CARMIL1: variants seen among roughly 807,000 people sequenced by gnomAD.
The protein encoded by CARMIL1 is F-actin-uncapping protein LRRC16A.
In CARMIL1, 90 loss-of-function variants were observed where a neutral mutation model predicts 177.1. That is an observed-to-expected ratio of 0.51 (90% CI 0.43 to 0.61). The LOEUF (loss-of-function observed/expected upper bound fraction) is 0.61. CARMIL1 is among the 20% of genes least tolerant of loss of function. The pLI, the probability that CARMIL1 is intolerant of heterozygous loss-of-function variation, is 0.00. For synonymous variants in CARMIL1, 577 were observed against 606.2 expected, an observed-to-expected ratio of 0.95 and a Z score of 0.71; for missense variants, 1,380 against 1,667.0, an observed-to-expected ratio of 0.83 and a Z score of 3.00.
chr6:25,286,613 T>G (rs2690044), intron 2 of CARMIL1, among the ~76,000 whole-genome samples: 7,593 of 152,282 alleles, frequency 0.05, 591 homozygotes, highest in African/African-American at 0.17. Context: ...GTCATTTGCT[T>G]TTTTACAAAT....
intron 33 of CARMIL1, among the ~76,000 whole-genome samples, chr6:25,602,586 C>A (rs1418881856): frequency 6.6e-6 from 1 of 152,150 alleles, no homozygotes; most frequent in African/African-American, 2.4e-5. Flanking sequence ...TCTAGTGTCA[C>A]TTTAAAACAA....
intron 2 of CARMIL1, among the ~76,000 whole-genome samples, chr6:25,394,337 G>T (rs1793165292): frequency 6.6e-6 from 1 of 152,160 alleles, no homozygotes. Context: ...GTGCTAAAGT[G>T]CTAAAATTAA....
intron 1 of CARMIL1, among the ~76,000 whole-genome samples, chr6:25,283,980 A>G (rs1781336882): frequency 6.6e-6 from 1 of 152,064 alleles, no homozygotes; most frequent in Admixed American, 6.6e-5. Flanking sequence ...AGCCTCCCAA[A>G]GTGCTGGGAT....
At chr6:25,487,709 G>A (rs893984273) in intron 12 of CARMIL1, among the ~76,000 whole-genome samples, 1 of 152,002 alleles carries the variant, frequency 6.6e-6, no homozygotes, top group Admixed American at 6.6e-5. Flanking sequence ...TTTCCCTTCT[G>A]AAAAGAAATG....
chr6:25,450,410 G>A lies in CARMIL1; in HGVS notation c.540+1G>A. 3 of 1,609,986 alleles carry A rather than the reference G, an allele frequency of 1.9e-6. No homozygotes were observed. The highest frequency in any genetic ancestry group is 2.6e-6 in the Non-Finnish European group (3 of 1,176,412). Reference sequence around the variant, plus strand: ...TTCATACAGGGAAGAAGTACAATGGGTAAGAATGTCTGTGTACATGTGCAT... The same window carrying A: ...TTCATACAGGGAAGAAGTACAATGGATAAGAATGTCTGTGTACATGTGCAT... On this transcript the variant is annotated splice_donor_variant, in intron 7 of 36. Coordinates refer to ENST00000329474, the MANE Select transcript of CARMIL1 (RefSeq NM_017640.6). LOFTEE classifies it high-confidence loss of function.
chr6:25,436,030 G>C (rs1197221520), intron 5 of CARMIL1, among the ~76,000 whole-genome samples: 1 of 152,104 alleles, frequency 6.6e-6, no homozygotes, highest in African/African-American at 2.4e-5. Context: ...TCAGGAACAA[G>C]AAACCTAAAA....
At chr6:25,569,613 G>A (rs752770241) in intron 29 of CARMIL1, among the ~76,000 whole-genome samples, 6 of 152,154 alleles carry the variant, frequency 3.9e-5, no homozygotes, top group Non-Finnish European at 7.4e-5. Flanking sequence ...GTTTTTGTTG[G>A]TGGCAGTGTT....
chr6:25,420,434 A>G (rs1488406639), intron 3 of CARMIL1: 2 of 368,082 alleles, frequency 5.4e-6, no homozygotes, highest in Non-Finnish European at 9.9e-6. Context: ...CTTTGTGTAA[A>G]GGCATCCCAA....
rs776668263 is a variant in CARMIL1 at position 25,537,919 on chromosome 6, A to T, written c.2132A>T (p.Asp711Val). 6.2e-7 allele frequency: 1 copy of T among 1,607,762 alleles called. No homozygotes were observed. Among genetic ancestry groups the T allele is most frequent in the Admixed American group, 1.7e-5 (1 of 59,198 alleles). Reference protein sequence around the residue: ...HLNSLRNCGGDAIQEDLKSAE... With the variant: ...HLNSLRNCGGVAIQEDLKSAE... ...AACTCCTTACGAAATTGTGGGGGAG[A>T]CGCTATCCAGGAAGATTTAAAATCA... The change falls in exon 25 of 37, where the codon GAC becomes GTC. Residue 711 changes from aspartate to valine, a missense_variant. By Grantham distance (152) the Asp-to-Val change is radical. Coordinates refer to ENST00000329474, the MANE Select transcript of CARMIL1 (RefSeq NM_017640.6).
chr6:25,550,024 A>G (rs1215587483), intron 26 of CARMIL1, among the ~76,000 whole-genome samples: 3 of 152,240 alleles, frequency 2.0e-5, no homozygotes, highest in African/African-American at 2.4e-5. Flanking sequence ...TGGAGAGATC[A>G]GTAACTTTGT....
intron 33 of CARMIL1, among the ~76,000 whole-genome samples, chr6:25,601,169 G>A (rs1342526976): frequency 6.6e-6 from 1 of 152,188 alleles, no homozygotes; most frequent in Non-Finnish European, 1.5e-5. Context: ...AATAAAAATA[G>A]CCTGTTGGTT....
intron 2 of CARMIL1, among the ~76,000 whole-genome samples, chr6:25,296,983 G>A (rs964119495): frequency 1.1e-4 from 17 of 151,356 alleles, no homozygotes; most frequent in African/African-American, 3.6e-4. Context: ...TTAAAACGTG[G>A]CATCTCGCTT....
intron 2 of CARMIL1, among the ~76,000 whole-genome samples, chr6:25,415,495 G>C (rs1054461622): frequency 6.3e-5 from 9 of 143,458 alleles, no homozygotes; most frequent in African/African-American, 2.1e-4. Context: ...CCCACTGGTA[G>C]TGGGAGCGTT....
At chr6:25,440,728 G>A (rs762817596) in intron 5 of CARMIL1, among the ~76,000 whole-genome samples, 39 of 152,144 alleles carry the variant, frequency 2.6e-4, no homozygotes, top group South Asian at 4.1e-4. Context: ...AATAAAATAT[G>A]TTTCCAGTAA....
At chr6:25,486,340 A>G (rs1006527499) in intron 12 of CARMIL1, among the ~76,000 whole-genome samples, 4 of 152,282 alleles carry the variant, frequency 2.6e-5, no homozygotes, top group African/African-American at 7.2e-5. Context: ...AGCTGATAAC[A>G]TGATGCTCTC....
intron 16 of CARMIL1, 99 bp from the exon 17 acceptor site, chr6:25,500,067 G>A: frequency 9.8e-7 from 1 of 1,019,584 alleles, no homozygotes; most frequent in Non-Finnish European, 1.5e-6. Context: ...ATTCAGAAAA[G>A]GCAGCCTTCT....
At chr6:25,288,176 G>A (rs1272610246) in intron 2 of CARMIL1, among the ~76,000 whole-genome samples, 2 of 152,200 alleles carry the variant, frequency 1.3e-5, no homozygotes, top group Non-Finnish European at 2.9e-5. Context: ...TTAGCCAAGC[G>A]AAGAGAGTGG....
At chr6:25,503,191 A>G (rs1202400787) in intron 17 of CARMIL1, among the ~76,000 whole-genome samples, 1 of 152,204 alleles carries the variant, frequency 6.6e-6, no homozygotes, top group East Asian at 1.9e-4. Flanking sequence ...CCTTTCACTT[A>G]TGCATTATAT....
chr6:25,313,894 G>A (rs1784049779), intron 2 of CARMIL1, among the ~76,000 whole-genome samples: 1 of 151,356 alleles, frequency 6.6e-6, no homozygotes, highest in Non-Finnish European at 1.5e-5. Context: ...AGTCAGTTTT[G>A]CTAAAGCAGG....
Sources: gnomAD v4.1 joint callset for allele counts (sites outside exome capture counted in the v4.1 genomes callset) on GRCh38, gnomAD v4.1.1 for gene constraint, MANE v1.5 for transcripts, NCBI Gene and HGNC (gene_info 2026-07-23, HGNC 2026-07-21) for gene names.